SIK3: variants seen among roughly 807,000 people sequenced by gnomAD.
SIK3 encodes the protein serine/threonine-protein kinase SIK3.
SIK3 carries 28 observed loss-of-function variants against 144.2 expected under a neutral mutation model. The observed-to-expected ratio is 0.19, with a 90% CI of 0.14 to 0.27. The LOEUF (loss-of-function observed/expected upper bound fraction) is 0.27. Among genes scored for constraint, SIK3 ranks in the 10% least tolerant of loss-of-function variants. The pLI is 1.00. For synonymous variants in SIK3, 686 were observed against 676.3 expected, an observed-to-expected ratio of 1.01 and a Z score of -0.22; for missense variants, 1,319 against 1,776.0, an observed-to-expected ratio of 0.74 and a Z score of 4.62.
At chr11:117,055,484 A>C (rs1223812874) in intron 1 of SIK3, among the ~76,000 whole-genome samples, 2 of 152,244 alleles carry the variant, frequency 1.3e-5, no homozygotes, top group African/African-American at 2.4e-5. Flanking sequence ...AAAATAATGG[A>C]GCCAGATTCA....
In SIK3 at chr11:117,065,536, A is replaced by C. The variant is rs956247222; in HGVS notation, c.273+32607T>G. Among the ~76,000 whole-genome samples the C allele has an allele frequency of 2.1e-4, 32 of 152,326 alleles. 1 individual carries two copies. The highest frequency in any genetic ancestry group is 1.9e-3 in the Admixed American group (29 of 15,300). On this transcript the variant is annotated intron_variant, in intron 1 of 24. Coordinates refer to ENST00000445177, the MANE Select transcript of SIK3 (RefSeq NM_001366686.3). The stretch of plus-strand genomic sequence containing the variant: ...GGGCATGGAAACTTTACAGTGACTT[A>C]AGACAAAATATTCTATACAGCGGAG...
intron 1 of SIK3, among the ~76,000 whole-genome samples, chr11:117,088,644 A>C (rs1247852487): frequency 6.6e-6 from 1 of 152,142 alleles, no homozygotes; most frequent in Non-Finnish European, 1.5e-5. Context: ...GTGCCATCCT[A>C]ATGAGCAGTA....
intron 1 of SIK3, among the ~76,000 whole-genome samples, chr11:117,011,888 A>T (rs1000400374): frequency 3.9e-5 from 6 of 152,124 alleles, no homozygotes; most frequent in Non-Finnish European, 8.8e-5. Context: ...TACGCAATAG[A>T]GAGAAAGAGA....
Position 117,098,233 on chromosome 11 carries a change from G to A in SIK3, c.183C>T (p.Ala61=). ...PAPASRGPMP[A]RIGYYEIDRT... ...GGTCGATCTCGTAGTAGCCGATACG[G>A]GCGGGCATGGGTCCGCGGGAGGCCG... Residue 61 remains alanine (A), a synonymous_variant, in exon 1 of 25, where the codon GCC becomes GCT. Coordinates refer to ENST00000445177, the MANE Select transcript of SIK3 (RefSeq NM_001366686.3). 2.7e-6 allele frequency: 4 copies of A among 1,492,362 alleles called. 1 individual carries two copies. The South Asian group carries it at 3.6e-5, about 13-fold the overall frequency. The allele number at this position is 1,492,362 out of a possible 1,614,324, so 92.4% of individuals were successfully genotyped here.
rs568769840 is a variant in SIK3 at position 116,918,888 on chromosome 11, A to G, written c.616+8331T>C. Reference sequence around the variant, plus strand: ...TAATATTTCAAATTTTCTTTTCCCAAGGGTCAACGTGCAGGAAGGTTATTT... The same window carrying G: ...TAATATTTCAAATTTTCTTTTCCCAGGGGTCAACGTGCAGGAAGGTTATTT... On this transcript the variant is annotated intron_variant, in intron 4 of 24. Coordinates refer to ENST00000445177, the MANE Select transcript of SIK3 (RefSeq NM_001366686.3). Among the ~76,000 whole-genome samples, 4 of 152,348 alleles carry G rather than the reference A, an allele frequency of 2.6e-5. No homozygotes were observed. In the South Asian group the frequency reaches 6.2e-4, roughly 24 times the overall value.
intron 1 of SIK3, among the ~76,000 whole-genome samples, chr11:116,990,271 A>T (rs192877276): frequency 6.6e-6 from 1 of 152,308 alleles, no homozygotes; most frequent in Admixed American, 6.5e-5. Context: ...AACTTTCCTG[A>T]ATAAAACCAC....
chr11:117,089,466 C>T (rs1381783297), intron 1 of SIK3, among the ~76,000 whole-genome samples: 1 of 151,364 alleles, frequency 6.6e-6, no homozygotes, highest in Non-Finnish European at 1.5e-5. Context: ...GGCAAGAAGA[C>T]TTCATTTCAC....
intron 1 of SIK3, among the ~76,000 whole-genome samples, chr11:116,961,460 T>C (rs969150668): frequency 2.0e-5 from 3 of 152,184 alleles, no homozygotes; most frequent in African/African-American, 4.8e-5. Context: ...AGCTACAGAT[T>C]ACTGAAGACT....
chr11:117,072,644 T>C (rs1424227454), intron 1 of SIK3, among the ~76,000 whole-genome samples: 1 of 152,182 alleles, frequency 6.6e-6, no homozygotes, highest in Admixed American at 6.5e-5. Context: ...GTGAATGGGT[T>C]ATCACTAAGG....
At chr11:116,924,617 C>G (rs1356760666) in intron 4 of SIK3, among the ~76,000 whole-genome samples, 1 of 152,240 alleles carries the variant, frequency 6.6e-6, no homozygotes, top group Non-Finnish European at 1.5e-5. Flanking sequence ...GGCCCCACAG[C>G]TCGCAGCACA....
chr11:116,858,007 T>C lies in SIK3; in HGVS notation c.3458A>G (p.Lys1153Arg), dbSNP rs1305377817. 3 of 1,614,046 alleles carry C rather than the reference T, an allele frequency of 1.9e-6. No homozygotes were observed. The African/African-American group carries it at 4.0e-5, about 22-fold the overall frequency. The change falls in exon 21 of 25, where the codon AAG becomes AGG. Residue 1153 changes from lysine (K) to arginine (R), a missense_variant. Transcript: ENST00000445177. This position sits in a 1 kb window ranked among gnomAD's most constrained non-coding sequence, Gnocchi z 5.4. ...ACTCTTACTGTCTTGGAAGCCATCCTTGGCCCCCTCACACGAGCAGTCCTC... is the reference window on the plus strand; with the variant it reads ...ACTCTTACTGTCTTGGAAGCCATCCCTGGCCCCCTCACACGAGCAGTCCTC... The part of the protein sequence containing the change: ...MEEDCSCEGA[K>R]DGFQDSKSSS...
At chr11:116,946,627 C>A (rs1948602659) in intron 3 of SIK3, among the ~76,000 whole-genome samples, 1 of 152,150 alleles carries the variant, frequency 6.6e-6, no homozygotes, top group African/African-American at 2.4e-5. Flanking sequence ...CAGTCTAGAA[C>A]AAAGGCAGTC....
At chr11:117,028,292 A>G (rs1383967578) in intron 1 of SIK3, among the ~76,000 whole-genome samples, 1 of 152,200 alleles carries the variant, frequency 6.6e-6, no homozygotes, top group African/African-American at 2.4e-5. Flanking sequence ...TCATTCACTC[A>G]TATCTTCATC....
At chr11:117,084,128 T>C (rs1446123898) in intron 1 of SIK3, among the ~76,000 whole-genome samples, 1 of 152,214 alleles carries the variant, frequency 6.6e-6, no homozygotes, top group Non-Finnish European at 1.5e-5. Flanking sequence ...TCAACCAACC[T>C]GCCAAAATAA....
chr11:116,900,344 TTTCTACCACTGCAG>T (rs1206101099), intron 4 of SIK3, among the ~76,000 whole-genome samples: 1 of 152,208 alleles, frequency 6.6e-6, no homozygotes, highest in African/African-American at 2.4e-5. Context: ...TCTATTTCCA[TTTCTACCACTGCAG>T]TTCATACTCT....
chr11:116,845,755 T>C (rs928682844), intron 24 of SIK3, 126 bp from the exon 25 acceptor site: 2 of 152,266 alleles, frequency 1.3e-5, no homozygotes, highest in African/African-American at 4.8e-5. Flanking sequence ...CTTGCCATAC[T>C]GAGGCTCTGA....
chr11:117,043,449 T>TA (rs1952829186), intron 1 of SIK3, among the ~76,000 whole-genome samples: 1 of 152,112 alleles, frequency 6.6e-6, no homozygotes, highest in African/African-American at 2.4e-5. Flanking sequence ...AGCAAAGTTT[T>TA]AAAAAAATAC....
At chr11:116,871,761 A>G (rs1943982856) in intron 13 of SIK3, among the ~76,000 whole-genome samples, 1 of 152,174 alleles carries the variant, frequency 6.6e-6, no homozygotes, top group African/African-American at 2.4e-5. Flanking sequence ...CAAGAGTTAA[A>G]GATAAAATTC....
chr11:117,073,776 A>G (rs868250827), intron 1 of SIK3, among the ~76,000 whole-genome samples: 4 of 152,228 alleles, frequency 2.6e-5, no homozygotes, highest in Admixed American at 1.3e-4. Context: ...CTCCGGAGGA[A>G]GAAGGCTGTT....
Sources: gnomAD v4.1 joint callset for allele counts (sites outside exome capture counted in the v4.1 genomes callset) on GRCh38, gnomAD v4.1.1 for gene constraint, Gnocchi (gnomAD v3.1) non-coding constraint, MANE v1.5 for transcripts, NCBI Gene and HGNC (gene_info 2026-07-23, HGNC 2026-07-21) for gene names.